Variants in SLC2A13 observed in about 807,000 individuals in gnomAD.
SLC2A13 encodes the protein solute carrier family 2 member 13, also known as proton myo-inositol cotransporter.
Under a neutral mutation model 64.4 loss-of-function variants are expected in SLC2A13, and 32 were observed. The observed-to-expected ratio is 0.50, with a 90% CI of 0.37 to 0.67. The LOEUF is 0.67. Ranked by LOEUF, SLC2A13 falls within the 30% of genes least tolerant of loss-of-function variation. The pLI, the probability that SLC2A13 is intolerant of heterozygous loss-of-function variation, is 0.00. For missense variants in SLC2A13, 743 were observed against 829.2 expected (o/e 0.90, Z 1.28); for synonymous variants, 338 against 327.1 (o/e 1.03, Z -0.36).
intron 2 of SLC2A13, among the ~76,000 whole-genome samples, chr12:40,028,770 C>A (rs1422510534): frequency 2.0e-5 from 3 of 152,184 alleles, no homozygotes; most frequent in African/African-American, 7.2e-5. Context: ...AAGCTACAGT[C>A]ATTATGTATA....
intron 7 of SLC2A13, among the ~76,000 whole-genome samples, chr12:39,815,255 A>C (rs1475156786): frequency 1.3e-5 from 2 of 152,240 alleles, no homozygotes; most frequent in African/African-American, 4.8e-5. Flanking sequence ...ATGAATCAAA[A>C]ATAGAAAAAG....
intron 6 of SLC2A13, among the ~76,000 whole-genome samples, chr12:39,849,511 T>C (rs1165688003): frequency 1.3e-5 from 2 of 152,200 alleles, no homozygotes; most frequent in East Asian, 1.9e-4. Flanking sequence ...AGGCTGTTTA[T>C]TGAGGTGCTC....
At chr12:39,768,727 G>A (rs1003413964) in intron 7 of SLC2A13, among the ~76,000 whole-genome samples, 2 of 152,024 alleles carry the variant, frequency 1.3e-5, no homozygotes, top group African/African-American at 4.8e-5. Context: ...TAACATTAAA[G>A]ATCACTGATC....
chr12:39,800,386 A>G (rs1941745394), intron 7 of SLC2A13, among the ~76,000 whole-genome samples: 1 of 151,724 alleles, frequency 6.6e-6, no homozygotes, highest in African/African-American at 2.4e-5. Flanking sequence ...AATGAACTCA[A>G]ACAAATTTAC....
At chr12:39,975,318 A>G (rs1946740210) in intron 3 of SLC2A13, among the ~76,000 whole-genome samples, 1 of 152,228 alleles carries the variant, frequency 6.6e-6, no homozygotes, top group Non-Finnish European at 1.5e-5. Context: ...AGTGAAAAAA[A>G]TTTATCTTCC....
intron 4 of SLC2A13, among the ~76,000 whole-genome samples, chr12:39,948,278 T>A (rs12230558): frequency 0.1 from 15,948 of 151,990 alleles, 882 homozygotes; most frequent in East Asian, 0.19. Flanking sequence ...TTCGGTAGGG[T>A]AGAGGATGAG....
rs982615078 is a variant in SLC2A13, at chr12:39,756,896, G to A, written c.*3130C>T. ...TGAAAAAATAGTCGGTATTCTCATA[G>A]CATTTTGTATCAGGGAACTACTGTG... On this transcript the variant is annotated 3_prime_UTR_variant, in exon 10 of 10. Coordinates refer to ENST00000280871, the MANE Select transcript of SLC2A13 (RefSeq NM_052885.4). 5 of 151,526 alleles carry A rather than the reference G, an allele frequency of 3.3e-5. No homozygotes were observed. The highest frequency in any genetic ancestry group is 7.4e-5 in the Non-Finnish European group (5 of 67,656). The allele number at this position is 151,526 out of a possible 1,614,324, so 9.4% of individuals were successfully genotyped here.
At chr12:39,921,927 A>T (rs1411092847) in intron 4 of SLC2A13, among the ~76,000 whole-genome samples, 1 of 151,422 alleles carries the variant, frequency 6.6e-6, no homozygotes, top group Non-Finnish European at 1.5e-5. Context: ...AAGTGCTAAT[A>T]AATTAAAAGA....
chr12:39,765,210 C>G (rs975847253), intron 7 of SLC2A13, among the ~76,000 whole-genome samples: 2 of 151,970 alleles, frequency 1.3e-5, no homozygotes, highest in Non-Finnish European at 1.5e-5. Context: ...TGACAAGATT[C>G]AAATTTCAGA....
At chr12:39,901,029 A>G (rs1034912314) in intron 4 of SLC2A13, among the ~76,000 whole-genome samples, 5 of 152,190 alleles carry the variant, frequency 3.3e-5, no homozygotes, top group Admixed American at 3.3e-4. Flanking sequence ...CTCAGAAATA[A>G]CACTGCATAT....
At chr12:40,097,896 A>T (rs1208702810) in intron 1 of SLC2A13, among the ~76,000 whole-genome samples, 1 of 152,106 alleles carries the variant, frequency 6.6e-6, no homozygotes, top group Non-Finnish European at 1.5e-5. Context: ...TAATTCAAAG[A>T]AGGACCTCAA....
intron 4 of SLC2A13, among the ~76,000 whole-genome samples, chr12:39,914,340 CCT>C (rs1241342357): frequency 6.6e-6 from 1 of 151,930 alleles, no homozygotes; most frequent in African/African-American, 2.4e-5. Flanking sequence ...TGAAATTTAC[CCT>C]CTTACCTTAA....
chr12:39,768,460 C>G (rs1164724051), intron 7 of SLC2A13, among the ~76,000 whole-genome samples: 2 of 152,110 alleles, frequency 1.3e-5, no homozygotes, highest in Non-Finnish European at 2.9e-5. Flanking sequence ...TTTCAATATG[C>G]CTTCCTCATT....
At chr12:39,837,049 A>G (rs1184185715) in intron 6 of SLC2A13, among the ~76,000 whole-genome samples, 1 of 45,826 alleles carries the variant, frequency 2.2e-5, no homozygotes, top group Non-Finnish European at 3.7e-5. Context: ...CTAAGCCAAA[A>G]GAACAAAGCT....
chr12:39,865,474 G>T (rs910854794), intron 5 of SLC2A13, among the ~76,000 whole-genome samples: 2 of 152,082 alleles, frequency 1.3e-5, no homozygotes, highest in African/African-American at 4.8e-5. Flanking sequence ...TTTCCTGTTG[G>T]TATTTGAAAG....
intron 6 of SLC2A13, among the ~76,000 whole-genome samples, chr12:39,834,913 A>G (rs1422576337): frequency 6.6e-6 from 1 of 152,138 alleles, no homozygotes; most frequent in African/African-American, 2.4e-5. Context: ...TACAGAGAGC[A>G]TGTATTATAA....
At chr12:40,098,364 A>G (rs1232004850) in intron 1 of SLC2A13, among the ~76,000 whole-genome samples, 2 of 152,224 alleles carry the variant, frequency 1.3e-5, no homozygotes, top group East Asian at 3.8e-4. Flanking sequence ...TTTGTGTTTA[A>G]TAGACACAGT....
At chr12:39,830,378 G>C in intron 6 of SLC2A13, 150 bp from the exon 7 acceptor site, 1 of 1,408,322 alleles carries the variant, frequency 7.1e-7, no homozygotes, top group Non-Finnish European at 9.2e-7. Flanking sequence ...AGTGACATGC[G>C]CTGAGCCAGG....
rs188236273 is a variant in SLC2A13 at position 40,081,979 on chromosome 12, G to A, written c.556+23274C>T. Among the ~76,000 whole-genome samples the A allele has an allele frequency of 7.1e-4, 108 of 152,314 alleles. 2 individuals are homozygous for A. The highest frequency in any genetic ancestry group is 2.5e-3 in the African/African-American group (105 of 41,566). On this transcript the variant is annotated intron_variant, in intron 1 of 9. Transcript: ENST00000280871. Reference sequence around the variant, plus strand: ...TCAGCTTAGCATTCCTAGGCTGTGTGCTCTAACCCTGGGGACCTGGGACCA... The same window carrying A: ...TCAGCTTAGCATTCCTAGGCTGTGTACTCTAACCCTGGGGACCTGGGACCA...
Sources: allele counts gnomAD v4.1 joint callset (sites outside exome capture counted in the v4.1 genomes callset), GRCh38; gene constraint gnomAD v4.1.1; transcripts MANE v1.5; gene names NCBI Gene and HGNC (gene_info 2026-07-23, HGNC 2026-07-21).